ENTREP1: variants seen among roughly 807,000 people sequenced by gnomAD.
The protein encoded by ENTREP1 is Friedreich ataxia region gene X123.
chr9:69,372,841 A>G, the ENTREP1 span, among the ~76,000 whole-genome samples: 1 of 135,144 alleles, frequency 7.4e-6, no homozygotes, highest in Non-Finnish European at 1.6e-5. Flanking sequence ...GACACTTGTT[A>G]TTTTCTGCTT....
At chr9:69,366,962 G>A in the ENTREP1 span, among the ~76,000 whole-genome samples, 1 of 151,868 alleles carries the variant, frequency 6.6e-6, no homozygotes, top group East Asian at 1.9e-4. Context: ...TGTCACCCAC[G>A]CTGAAGTGCA....
chr9:69,351,284 G>A, the ENTREP1 span, among the ~76,000 whole-genome samples: 3 of 152,148 alleles, frequency 2.0e-5, no homozygotes, highest in Non-Finnish European at 4.4e-5. Context: ...ATGAAGTTAT[G>A]TCTAGGTGGA....
chr9:69,336,196 A>G, the ENTREP1 span: 2 of 1,423,420 alleles, frequency 1.4e-6, no homozygotes. Flanking sequence ...TATATTTATG[A>G]TAGTTTATCC....
At chr9:69,364,293 T>C in the ENTREP1 span, among the ~76,000 whole-genome samples, 4 of 151,906 alleles carry the variant, frequency 2.6e-5, no homozygotes, top group Admixed American at 1.3e-4. Flanking sequence ...GCCTAAGATA[T>C]CACAGCAAAC....
chr9:69,343,663 A>G, the ENTREP1 span, among the ~76,000 whole-genome samples: 1 of 152,192 alleles, frequency 6.6e-6, no homozygotes, highest in African/African-American at 2.4e-5. Flanking sequence ...TCAAAACATC[A>G]TGTAATATAC....
the ENTREP1 span, among the ~76,000 whole-genome samples, chr9:69,376,389 C>T: frequency 6.6e-6 from 1 of 152,110 alleles, no homozygotes; most frequent in Non-Finnish European, 1.5e-5. Context: ...GTTTAATAAG[C>T]AACAACTATA....
At chr9:69,377,695 C>T in the ENTREP1 span, 3 of 1,614,122 alleles carry the variant, frequency 1.9e-6, no homozygotes, top group South Asian at 3.3e-5. Flanking sequence ...TGTGCCTCCC[C>T]CTTCCTATTT....
At chr9:69,362,615 T>C in the ENTREP1 span, among the ~76,000 whole-genome samples, 1 of 152,190 alleles carries the variant, frequency 6.6e-6, no homozygotes, top group Non-Finnish European at 1.5e-5. Flanking sequence ...TGGTTAATAC[T>C]GAGTGTCAAC....
At chr9:69,340,636 C>CATGCATGTGTTT in the ENTREP1 span, among the ~76,000 whole-genome samples, 1 of 120,550 alleles carries the variant, frequency 8.3e-6, no homozygotes, top group African/African-American at 3.4e-5. Flanking sequence ...TGTGTGTGTG[C>CATGCATGTGTTT]GTGCATGTGT....
At chr9:69,371,887 T>A in the ENTREP1 span, among the ~76,000 whole-genome samples, 1 of 152,208 alleles carries the variant, frequency 6.6e-6, no homozygotes, top group African/African-American at 2.4e-5. Context: ...ATGTCCACAA[T>A]CAATCAGTCT....
chr9:69,354,635 A>G, the ENTREP1 span, among the ~76,000 whole-genome samples: 7 of 152,290 alleles, frequency 4.6e-5, no homozygotes, highest in Middle Eastern at 3.4e-3. Context: ...GCTGTTCAAT[A>G]TATTTATCTG....
the ENTREP1 span, chr9:69,325,150 G>A: frequency 9.6e-7 from 1 of 1,039,056 alleles, no homozygotes; most frequent in South Asian, 4.6e-5. Context: ...AGCGGCAGCG[G>A]CGGCAGCAAG....
At chr9:69,365,655 C>G in the ENTREP1 span, among the ~76,000 whole-genome samples, 1 of 152,138 alleles carries the variant, frequency 6.6e-6, no homozygotes, top group Non-Finnish European at 1.5e-5. Context: ...ACCAACCTCT[C>G]TTCCTTGATC....
At chr9:69,383,195 C>T in the ENTREP1 span, 11 of 855,612 alleles carry the variant, frequency 1.3e-5, no homozygotes, top group Non-Finnish European at 1.5e-5. Context: ...ATGAAATTAA[C>T]CAAAGTATAT....
chr9:69,339,260 A>G, the ENTREP1 span, among the ~76,000 whole-genome samples: 2 of 152,032 alleles, frequency 1.3e-5, no homozygotes, highest in South Asian at 2.1e-4. Context: ...GGCTCAAGTG[A>G]TCTTCCCACC....
chr9:69,346,975 A>G, the ENTREP1 span, among the ~76,000 whole-genome samples: 1 of 152,214 alleles, frequency 6.6e-6, no homozygotes, highest in Non-Finnish European at 1.5e-5. Flanking sequence ...AATATGATAG[A>G]TTCTTTGGTG....
the ENTREP1 span, among the ~76,000 whole-genome samples, chr9:69,364,590 G>C: frequency 1.3e-5 from 2 of 151,998 alleles, no homozygotes; most frequent in Non-Finnish European, 2.9e-5. Flanking sequence ...TTATAACCAG[G>C]TAAAAGCTAG....
the ENTREP1 span, among the ~76,000 whole-genome samples, chr9:69,344,861 C>T: frequency 1.3e-5 from 2 of 152,246 alleles, no homozygotes; most frequent in Admixed American, 6.5e-5. Flanking sequence ...TCCTGGGTTC[C>T]TGAGCCTCGT....
chr9:69,378,039 C>T, the ENTREP1 span, among the ~76,000 whole-genome samples: 3 of 152,070 alleles, frequency 2.0e-5, no homozygotes, highest in South Asian at 2.1e-4. Flanking sequence ...TTCTGTCTTA[C>T]TTTCTCTTTT....
Sources: gnomAD v4.1 joint callset for allele counts (sites outside exome capture counted in the v4.1 genomes callset) on GRCh38, gnomAD v4.1.1 for gene constraint, MANE v1.5 for transcripts, NCBI Gene and HGNC (gene_info 2026-07-23, HGNC 2026-07-21) for gene names.